Variants in DNAH8 observed in about 807,000 individuals in gnomAD.
DNAH8 encodes the protein axonemal beta dynein heavy chain 8.
A neutral mutation model predicts 562.1 loss-of-function variants in DNAH8; 382 were observed. That is an observed-to-expected ratio of 0.68 (90% CI 0.63 to 0.74). The LOEUF (loss-of-function observed/expected upper bound fraction) is 0.74. DNAH8 is among the 30% of genes least tolerant of loss of function. The probability of loss-of-function intolerance (pLI) is 0.00; values close to 1 mark genes in which losing one functional copy is unlikely to be tolerated. For synonymous variants in DNAH8, 1,881 were observed against 1,919.4 expected, an observed-to-expected ratio of 0.98 and a Z score of 0.52; for missense variants, 5,203 against 5,620.4, an observed-to-expected ratio of 0.93 and a Z score of 2.37.
intron 81 of DNAH8, 30 bp downstream of exon 81, chr6:38,949,600 C>T (rs763562678): frequency 3.2e-6 from 4 of 1,252,726 alleles, no homozygotes; most frequent in Non-Finnish European, 4.7e-6. Context: ...GACCTAGAAG[C>T]ATCACTCATA....
At chr6:38,842,063 A>G (rs1256204712) in intron 33 of DNAH8, among the ~76,000 whole-genome samples, 1 of 152,218 alleles carries the variant, frequency 6.6e-6, no homozygotes, top group Admixed American at 6.5e-5. Context: ...ATTGTTTGCA[A>G]TGATTGGTAT....
chr6:39,024,684 A>G (rs550778662), intron 91 of DNAH8, among the ~76,000 whole-genome samples: 50 of 152,316 alleles, frequency 3.3e-4, no homozygotes, highest in African/African-American at 1.2e-3. Flanking sequence ...AAGGAAGTCA[A>G]CATACTCACA....
rs142863013 is a variant in DNAH8, at chr6:38,734,588, G to T, written c.725G>T (p.Arg242Leu). 3 of 1,613,482 alleles carry T rather than the reference G, an allele frequency of 1.9e-6. No homozygotes were observed. The highest frequency in any genetic ancestry group is 2.2e-5 in the South Asian group (2 of 91,038). The stretch of plus-strand genomic sequence containing the variant: ...CTGTGCATATTTTTTGTTCGTTGCC[G>T]TAATGATGTTGCTATAAATGTTAAA... ...KGLCIFFVRCRNDVAINVKTI... is the reference protein window; with the variant it reads ...KGLCIFFVRCLNDVAINVKTI... The change falls in exon 5 of 93, where the codon CGT becomes CTT. Residue 242 changes from arginine to leucine, a missense_variant. Physicochemically the swap from Arg to Leu is moderately radical, Grantham distance 102. Coordinates refer to ENST00000327475, the MANE Select transcript of DNAH8 (RefSeq NM_001206927.2).
At position 38,774,417 on chromosome 6, in the gene DNAH8, T is replaced by TATCAA. The variant is rs202018723; in HGVS notation, c.1765-1337_1765-1336insATCAA. 2.4e-3 allele frequency among the ~76,000 whole-genome samples: 366 copies of TATCAA among 152,078 alleles called. 4 individuals carry two copies. Among genetic ancestry groups the TATCAA allele is most frequent in the East Asian group, 0.024 (123 of 5,168 alleles). Reference sequence around the variant, plus strand: ...TGGTGAGTACTGAGAGATTGAACATTGATAGAGAGATGTTGAAAAAGCCAG... The same window carrying TATCAA: ...TGGTGAGTACTGAGAGATTGAACATTATCAAGATAGAGAGATGTTGAAAAAGCCAG... On this transcript the variant is annotated intron_variant, in intron 12 of 92. Transcript: ENST00000327475.
chr6:38,791,792 T>C (rs200520480), intron 21 of DNAH8, 118 bp downstream of exon 21: 1 of 993,340 alleles, frequency 1.0e-6, no homozygotes, highest in Non-Finnish European at 1.4e-6. Context: ...TTTTTTTTTG[T>C]TTTTTGTGAA....
chr6:38,929,748 A>C (rs1782414628), intron 75 of DNAH8, 82 bp downstream of exon 75: 3 of 1,303,900 alleles, frequency 2.3e-6, no homozygotes, highest in South Asian at 3.4e-5. Context: ...AAGAGAAAGA[A>C]AGAAAAGAAC....
chr6:38,861,953 T>G (rs893016646), intron 43 of DNAH8, among the ~76,000 whole-genome samples: 3 of 151,274 alleles, frequency 2.0e-5, no homozygotes, highest in Non-Finnish European at 2.9e-5. Context: ...AACCAGGTTT[T>G]TTTTTTTTTT....
chr6:38,935,783 A>G, intron 77 of DNAH8, 86 bp downstream of exon 77: 2 of 943,738 alleles, frequency 2.1e-6, no homozygotes, highest in Non-Finnish European at 3.1e-6. Context: ...ATGACTATAG[A>G]TGTTAGGAAA....
intron 10 of DNAH8, among the ~76,000 whole-genome samples, chr6:38,756,832 C>T (rs1248985757): frequency 6.6e-6 from 1 of 151,980 alleles, no homozygotes; most frequent in Non-Finnish European, 1.5e-5. Flanking sequence ...CATCCATGTC[C>T]CTACAAAGGA....
chr6:38,802,407 C>G lies in DNAH8; in HGVS notation c.2902-772C>G, dbSNP rs149586536. Among the ~76,000 whole-genome samples the G allele has an allele frequency of 1.2e-4, 19 of 152,320 alleles. No individual in the cohort carries two copies. In the East Asian group the frequency reaches 2.1e-3, roughly 17 times the overall value. ...TATAGGCACAAGACACTGCATCCAA[C>G]TACTTTTCTTTGTCCTAAAATGAGT... On this transcript the variant is annotated intron_variant, in intron 21 of 92. Coordinates refer to ENST00000327475, the MANE Select transcript of DNAH8 (RefSeq NM_001206927.2).
chr6:38,722,818 G>A lies in DNAH8; in HGVS notation c.9G>A (p.Lys3=), dbSNP rs565853864. 1.9e-6 allele frequency: 3 copies of A among 1,586,390 alleles called. No homozygotes were observed. The highest frequency in any genetic ancestry group is 2.2e-5 in the East Asian group (1 of 44,578). Residue 3 remains lysine, a synonymous_variant, in exon 2 of 93, where the codon AAG becomes AAA. Coordinates refer to ENST00000327475, the MANE Select transcript of DNAH8 (RefSeq NM_001206927.2). ME[K]DAEDGAPSEG... is the part of the protein sequence containing the mutation. ...ATTCCGCACGACGGGGGATGGAGAAGGATGCTGAAGATGGCGCCCCTTCTG... is the reference window on the plus strand; with the variant it reads ...ATTCCGCACGACGGGGGATGGAGAAAGATGCTGAAGATGGCGCCCCTTCTG...
chr6:38,862,828 G>T (rs559681901), intron 44 of DNAH8, among the ~76,000 whole-genome samples: 1 of 152,164 alleles, frequency 6.6e-6, no homozygotes, highest in Admixed American at 6.5e-5. Flanking sequence ...AAATAAGAAG[G>T]GGGTGGCCAT....
At chr6:38,826,552 A>G (rs1461604785) in intron 29 of DNAH8, among the ~76,000 whole-genome samples, 161 bp downstream of exon 29, 1 of 152,174 alleles carries the variant, frequency 6.6e-6, no homozygotes, top group Non-Finnish European at 1.5e-5. Context: ...AATTTTGGCA[A>G]TTATCAACAG....
intron 36 of DNAH8, among the ~76,000 whole-genome samples, chr6:38,847,630 A>G (rs1374730360): frequency 6.6e-6 from 1 of 152,122 alleles, no homozygotes; most frequent in Non-Finnish European, 1.5e-5. Flanking sequence ...CGTACCCAGA[A>G]AAAACCCCAT....
rs1771191355 is a variant in DNAH8 at position 38,805,522 on chromosome 6, G to T, written c.3076G>T (p.Gly1026Cys). The T allele has an allele frequency of 2.5e-6, 4 of 1,610,552 alleles. No individual in the cohort carries two copies. ...HVVFGSETGEGENNDYEANIV... is the reference protein window; with the variant it reads ...HVVFGSETGECENNDYEANIV... Reference sequence around the variant, plus strand: ...TGTTTTTGGAAGTGAAACAGGAGAGGGTGAAAACAATGACTATGAAGCTAA... The same window carrying T: ...TGTTTTTGGAAGTGAAACAGGAGAGTGTGAAAACAATGACTATGAAGCTAA... Residue 1026 changes from glycine (G) to cysteine (C), a missense_variant, in exon 23 of 93, where the codon GGT becomes TGT. By Grantham distance (159) the Gly-to-Cys change is radical. Around this residue, in one of 6 missense-constraint regions of DNAH8, gnomAD observed 2,176 missense variants for 2,365.1 expected, o/e 0.92. Transcript: ENST00000327475.
chr6:38,876,098 A>G (rs990258531), intron 53 of DNAH8, among the ~76,000 whole-genome samples: 1 of 152,184 alleles, frequency 6.6e-6, no homozygotes, highest in Non-Finnish European at 1.5e-5. Context: ...TACAACATCT[A>G]CTTTCTAATG....
chr6:38,885,062 G>A (rs1229355680), intron 56 of DNAH8, among the ~76,000 whole-genome samples: 1 of 152,190 alleles, frequency 6.6e-6, no homozygotes, highest in Non-Finnish European at 1.5e-5. Context: ...AAACAGTTCT[G>A]TATGGCCTGC....
At chr6:38,945,292 C>G (rs1310066023) in intron 79 of DNAH8, among the ~76,000 whole-genome samples, 175 bp from the exon 80 acceptor site, 1 of 152,114 alleles carries the variant, frequency 6.6e-6, no homozygotes, top group East Asian at 1.9e-4. Flanking sequence ...AAATAAAACA[C>G]TAAGACTTGA....
chr6:38,752,609 A>G (rs1472780201), intron 9 of DNAH8, among the ~76,000 whole-genome samples: 1 of 148,176 alleles, frequency 6.7e-6, no homozygotes, highest in African/African-American at 2.5e-5. Flanking sequence ...TGTAGGTTTC[A>G]TCCCAGAGGC....
Sources: gnomAD v4.1 joint callset for allele counts (sites outside exome capture counted in the v4.1 genomes callset) on GRCh38, gnomAD v4.1.1 for gene constraint, gnomAD v4.1.1 regional missense constraint, MANE v1.5 for transcripts, NCBI Gene and HGNC (gene_info 2026-07-23, HGNC 2026-07-21) for gene names.